SYNDIG1L: variants seen among roughly 807,000 people sequenced by gnomAD.
The protein encoded by SYNDIG1L is synapse differentiation inducing 1 like, also known as synapse differentiation-inducing gene protein 1-like.
SYNDIG1L carries 13 observed loss-of-function variants against 20.1 expected under a neutral mutation model. The ratio of observed to expected loss-of-function variants is 0.65; its 90% CI spans 0.42 to 1.03. The LOEUF is 1.03. SYNDIG1L is among the 50% of genes least tolerant of loss of function. SYNDIG1L has a pLI of 0.00. For synonymous variants in SYNDIG1L, 128 were observed against 129.3 expected, an observed-to-expected ratio of 0.99 and a Z score of 0.07; for missense variants, 294 against 305.1, an observed-to-expected ratio of 0.96 and a Z score of 0.27.
chr14:74,444,104 G>A, the SYNDIG1L span, among the ~76,000 whole-genome samples: 63,465 of 151,892 alleles, frequency 0.42, 13,585 homozygotes, highest in Non-Finnish European at 0.47. Context: ...TCTCATTCTT[G>A]TTGCCCAGGC....
chr14:74,409,839 G>A (rs2086117435), intron 1 of SYNDIG1L, 38 bp from the exon 2 acceptor site: 1 of 1,317,562 alleles, frequency 7.6e-7, no homozygotes, highest in Non-Finnish European at 9.8e-7. Flanking sequence ...CTGAGGCCAG[G>A]GCACTGGAGG....
At chr14:74,456,386 C>T in the SYNDIG1L span, among the ~76,000 whole-genome samples, 5 of 152,066 alleles carry the variant, frequency 3.3e-5, 1 homozygote, top group South Asian at 6.2e-4. Flanking sequence ...AAAAATTTGC[C>T]GGGCCTGGTG....
chr14:74,422,719 T>TC (rs367586958), intron 1 of SYNDIG1L, among the ~76,000 whole-genome samples: 11 of 143,772 alleles, frequency 7.7e-5, no homozygotes, highest in South Asian at 2.2e-4. Flanking sequence ...CCTTTCTCTC[T>TC]TTTTTTTTTT....
At chr14:74,435,405 A>T in the SYNDIG1L span, among the ~76,000 whole-genome samples, 4 of 152,250 alleles carry the variant, frequency 2.6e-5, no homozygotes, top group Admixed American at 6.5e-5. Flanking sequence ...GAACAATGTA[A>T]GATCTTCAAG....
At chr14:74,463,596 A>C in the SYNDIG1L span, among the ~76,000 whole-genome samples, 1 of 152,100 alleles carries the variant, frequency 6.6e-6, no homozygotes, top group Non-Finnish European at 1.5e-5. Context: ...GAGAGGCCTT[A>C]AGAAGAAATA....
the SYNDIG1L span, chr14:74,474,895 A>T: frequency 7.2e-5 from 11 of 152,240 alleles, no homozygotes. Context: ...TCCCTATTAA[A>T]AAAATTCATT....
chr14:74,445,100 T>A, the SYNDIG1L span, among the ~76,000 whole-genome samples: 4 of 152,150 alleles, frequency 2.6e-5, no homozygotes, highest in African/African-American at 9.7e-5. Flanking sequence ...GGTAACTCCG[T>A]TCTCACTCTA....
chr14:74,416,712 G>T (rs1283937130), intron 1 of SYNDIG1L, among the ~76,000 whole-genome samples: 1 of 152,128 alleles, frequency 6.6e-6, no homozygotes, highest in African/African-American at 2.4e-5. Flanking sequence ...CTGCAAATAA[G>T]CAATGAAACT....
At chr14:74,454,128 T>A in the SYNDIG1L span, among the ~76,000 whole-genome samples, 3 of 152,218 alleles carry the variant, frequency 2.0e-5, no homozygotes, top group South Asian at 6.2e-4. Context: ...AATTCAGATT[T>A]TTCTGACTCC....
At chr14:74,445,593 G>A in the SYNDIG1L span, among the ~76,000 whole-genome samples, 47 of 152,178 alleles carry the variant, frequency 3.1e-4, 1 homozygote. Flanking sequence ...TCCTGCCTCA[G>A]CCTCCTGAGT....
At chr14:74,437,379 T>C in the SYNDIG1L span, among the ~76,000 whole-genome samples, 6 of 152,182 alleles carry the variant, frequency 3.9e-5, no homozygotes, top group African/African-American at 1.4e-4. Context: ...ACTTCACATC[T>C]CTTTTGTTAG....
At chr14:74,425,581 G>A (rs1319582157) in intron 1 of SYNDIG1L, among the ~76,000 whole-genome samples, 1 of 152,208 alleles carries the variant, frequency 6.6e-6, no homozygotes, top group Non-Finnish European at 1.5e-5. Flanking sequence ...AACCTTGGTG[G>A]GGACTGGGGT....
At chr14:74,413,282 T>A (rs2086147033) in intron 1 of SYNDIG1L, among the ~76,000 whole-genome samples, 1 of 152,198 alleles carries the variant, frequency 6.6e-6, no homozygotes, top group Admixed American at 6.5e-5. Flanking sequence ...AAGCAGGGCT[T>A]CTCAGCACTT....
the SYNDIG1L span, among the ~76,000 whole-genome samples, chr14:74,450,800 A>C: frequency 6.6e-6 from 1 of 152,200 alleles, no homozygotes; most frequent in African/African-American, 2.4e-5. Context: ...AAGAAAACAA[A>C]CAACTCATAT....
chr14:74,431,782 T>C, the SYNDIG1L span, among the ~76,000 whole-genome samples: 288 of 152,246 alleles, frequency 1.9e-3, 1 homozygote, highest in African/African-American at 6.4e-3. Flanking sequence ...CATGCCACCC[T>C]CAGATGGAAT....
At chr14:74,426,930 G>A (rs2086271376), upstream of SYNDIG1L, among the ~76,000 whole-genome samples, 1 of 151,918 alleles carries the variant, frequency 6.6e-6, no homozygotes, top group Admixed American at 6.6e-5. Flanking sequence ...GGTTCCTCAT[G>A]GACAAAGTGA....
chr14:74,457,416 G>T, the SYNDIG1L span, among the ~76,000 whole-genome samples: 3 of 151,916 alleles, frequency 2.0e-5, no homozygotes, highest in Non-Finnish European at 4.4e-5. Context: ...CTCCTTGCAC[G>T]CCTGATTCAC....
intron 1 of SYNDIG1L, among the ~76,000 whole-genome samples, chr14:74,415,543 T>C (rs867048241): frequency 1.3e-5 from 2 of 152,044 alleles, no homozygotes; most frequent in African/African-American, 4.8e-5. Context: ...AATAATAAAA[T>C]TTTTTTCTTT....
chr14:74,448,327 T>G, the SYNDIG1L span, among the ~76,000 whole-genome samples: 1 of 152,036 alleles, frequency 6.6e-6, no homozygotes, highest in African/African-American at 2.4e-5. Context: ...TATACCATGC[T>G]CCCATTAGTC....
Sources: gnomAD v4.1 joint callset for allele counts (sites outside exome capture counted in the v4.1 genomes callset) on GRCh38, gnomAD v4.1.1 for gene constraint, MANE v1.5 for transcripts, NCBI Gene and HGNC (gene_info 2026-07-23, HGNC 2026-07-21) for gene names.